Variants in UTRN observed in about 807,000 individuals in gnomAD.
UTRN encodes utrophin, also known as dystrophin-related protein 1.
UTRN carries 283 observed loss-of-function variants against 463.9 expected under a neutral mutation model. That is an observed-to-expected ratio of 0.61 (90% CI 0.55 to 0.67). The LOEUF is 0.67. UTRN is among the 30% of genes least tolerant of loss of function. The pLI, the probability that UTRN is intolerant of heterozygous loss-of-function variation, is 0.00. For missense variants in UTRN, 3,922 were observed against 4,084.3 expected (o/e 0.96, Z 1.08); for synonymous variants, 1,442 against 1,431.5 (o/e 1.01, Z -0.17).
rs777264117 is a variant in UTRN, at chr6:144,482,325, T to C, written c.3624T>C (p.Asn1208=). 1.7e-5 allele frequency: 27 copies of C among 1,607,800 alleles called. No individual in the cohort carries two copies. Among genetic ancestry groups the C allele is most frequent in the Non-Finnish European group, 2.3e-5 (27 of 1,178,566 alleles). The change falls in exon 27 of 75, where the codon AAT becomes AAC. Residue 1208 remains asparagine (N), a synonymous_variant. Transcript: ENST00000367545. The stretch of plus-strand genomic sequence containing the variant: ...GCCAGGAGTTGACGTCTGAGCTGAA[T>C]GTTGTGCTGGAGAATTACCAACTTC... The part of the protein sequence containing the change: ...SGGQELTSEL[N]VVLENYQLLC...
chr6:144,509,920 T>C (rs1795035969), intron 34 of UTRN, among the ~76,000 whole-genome samples: 1 of 152,178 alleles, frequency 6.6e-6, no homozygotes, highest in Admixed American at 6.5e-5. Context: ...AAGATTCTTA[T>C]TAATAATTGC....
Position 144,852,664 on chromosome 6 carries a change from A to G in UTRN, c.*1667A>G, listed in dbSNP as rs1782548729. 1 of 152,644 alleles carries G rather than the reference A, an allele frequency of 6.6e-6. No homozygotes were observed. Among genetic ancestry groups the G allele is most frequent in the African/African-American group, 2.4e-5 (1 of 41,458 alleles). 9.5% of individuals were successfully genotyped at this position (152,644 alleles called of 1,614,324 possible). On this transcript the variant is annotated 3_prime_UTR_variant, in exon 75 of 75. Coordinates refer to ENST00000367545, the MANE Select transcript of UTRN (RefSeq NM_007124.3). ...TATGCTGCTGCAGTCTGCAAAGTCT[A>G]GAGCTTTTATCAGGCCATGTCATAC...
At chr6:144,732,222 A>G (rs1309842938) in intron 54 of UTRN, among the ~76,000 whole-genome samples, 1 of 43,468 alleles carries the variant, frequency 2.3e-5, no homozygotes, top group Non-Finnish European at 3.9e-5. Context: ...TTTTATATAT[A>G]TATATATATA....
chr6:144,463,566 C>T (rs1789620027), intron 23 of UTRN, among the ~76,000 whole-genome samples: 1 of 151,354 alleles, frequency 6.6e-6, no homozygotes, highest in South Asian at 2.1e-4. Flanking sequence ...GAACCAATCA[C>T]ACTCTCTCCC....
intron 47 of UTRN, among the ~76,000 whole-genome samples, chr6:144,549,126 A>G (rs1406197044): frequency 1.3e-5 from 2 of 152,266 alleles, no homozygotes; most frequent in African/African-American, 4.8e-5. Flanking sequence ...GCACATTAGT[A>G]TAAATATAAG....
At chr6:144,555,101 C>T (rs1046094989) in intron 49 of UTRN, among the ~76,000 whole-genome samples, 2 of 152,034 alleles carry the variant, frequency 1.3e-5, no homozygotes, top group African/African-American at 4.8e-5. Context: ...TGCATGTCTC[C>T]GAGATTTATA....
chr6:144,287,280 C>T (rs1428106368), intron 1 of UTRN, among the ~76,000 whole-genome samples: 1 of 152,206 alleles, frequency 6.6e-6, no homozygotes, highest in Non-Finnish European at 1.5e-5. Context: ...AACTCTTTAA[C>T]TCTCCTTTGG....
intron 2 of UTRN, among the ~76,000 whole-genome samples, chr6:144,295,360 C>T (rs1584168101): frequency 6.6e-6 from 1 of 152,034 alleles, no homozygotes; most frequent in Admixed American, 6.5e-5. Context: ...TGGTTTTATC[C>T]CAGAGCCCTG....
chr6:144,767,802 C>T (rs2128730949), intron 58 of UTRN, among the ~76,000 whole-genome samples: 1 of 152,000 alleles, frequency 6.6e-6, no homozygotes, highest in Non-Finnish European at 1.5e-5. Context: ...AGTTCTTGTC[C>T]CCACATTTGT....
intron 52 of UTRN, among the ~76,000 whole-genome samples, chr6:144,679,447 T>C (rs1481733932): frequency 6.6e-6 from 1 of 152,218 alleles, no homozygotes; most frequent in Non-Finnish European, 1.5e-5. Context: ...TTTTTTGCCT[T>C]GTACCAAGTG....
chr6:144,825,644 G>C (rs1273973487), intron 66 of UTRN, among the ~76,000 whole-genome samples: 1 of 151,964 alleles, frequency 6.6e-6, no homozygotes, highest in Non-Finnish European at 1.5e-5. Context: ...GCTTTCCCAA[G>C]GTTGATTAAG....
At chr6:144,842,005 G>C (rs1781617034) in intron 73 of UTRN, among the ~76,000 whole-genome samples, 2 of 151,250 alleles carry the variant, frequency 1.3e-5, no homozygotes, top group African/African-American at 4.9e-5. Flanking sequence ...AGCAACTCAG[G>C]AGGTTGAGGC....
chr6:144,483,998 A>T (rs1440946461), intron 27 of UTRN, among the ~76,000 whole-genome samples: 1 of 152,218 alleles, frequency 6.6e-6, no homozygotes, highest in East Asian at 1.9e-4. Context: ...TCACTCATTT[A>T]TGTAAACCAG....
At chr6:144,619,201 C>T (rs542607654) in intron 51 of UTRN, among the ~76,000 whole-genome samples, 5 of 152,132 alleles carry the variant, frequency 3.3e-5, no homozygotes, top group Admixed American at 6.5e-5. Flanking sequence ...TCAAATTGGT[C>T]GATAAACACA....
chr6:144,473,012 A>G (rs1323730774), intron 23 of UTRN, among the ~76,000 whole-genome samples: 1 of 152,056 alleles, frequency 6.6e-6, no homozygotes, highest in Admixed American at 6.6e-5. Flanking sequence ...CGTGATCCGT[A>G]GCCTGGGCCT....
At chr6:144,336,329 G>A (rs1050865335) in intron 2 of UTRN, among the ~76,000 whole-genome samples, 1 of 152,168 alleles carries the variant, frequency 6.6e-6, no homozygotes, top group Non-Finnish European at 1.5e-5. Flanking sequence ...GCTTGGGGAC[G>A]TCAGCACACT....
chr6:144,758,100 T>G, intron 58 of UTRN, 111 bp downstream of exon 58: 1 of 808,202 alleles, frequency 1.2e-6, no homozygotes, highest in Non-Finnish European at 1.9e-6. Flanking sequence ...TCCTATTATC[T>G]GAAAGAAACT....
At chr6:144,446,401 A>G (rs2114916237) in intron 14 of UTRN, among the ~76,000 whole-genome samples, 1 of 152,366 alleles carries the variant, frequency 6.6e-6, no homozygotes, top group East Asian at 1.9e-4. Flanking sequence ...TAGTTGTTAA[A>G]TATTTAATTC....
At chr6:144,672,568 T>C (rs867432017) in intron 51 of UTRN, among the ~76,000 whole-genome samples, 1 of 151,928 alleles carries the variant, frequency 6.6e-6, no homozygotes. Context: ...TTTTCTTGGT[T>C]AATCATGTTA....
Sources: allele counts gnomAD v4.1 joint callset (sites outside exome capture counted in the v4.1 genomes callset), GRCh38; gene constraint gnomAD v4.1.1; transcripts MANE v1.5; gene names NCBI Gene and HGNC (gene_info 2026-07-23, HGNC 2026-07-21).